GPC4: variants seen among roughly 807,000 people sequenced by gnomAD.
The protein encoded by GPC4 is glypican 4.
A neutral mutation model predicts 35.0 loss-of-function variants in GPC4; 10 were observed. The observed-to-expected ratio is 0.29, with a 90% CI of 0.18 to 0.48. The LOEUF is 0.48. Among genes scored for constraint, GPC4 ranks in the 20% least tolerant of loss-of-function variants. The pLI is 0.99. For synonymous variants in GPC4, 167 were observed against 170.2 expected, an observed-to-expected ratio of 0.98 and a Z score of 0.15; for missense variants, 322 against 451.3, an observed-to-expected ratio of 0.71 and a Z score of 2.60.
At chrX:133,412,444 G>A (rs958726293) in intron 1 of GPC4, among the ~76,000 whole-genome samples, 5 of 111,713 alleles carry the variant, frequency 4.5e-5, no homozygotes, top group Admixed American at 1.9e-4. Context: ...AAAGTGGTGC[G>A]AAATTGCACT....
intron 1 of GPC4, among the ~76,000 whole-genome samples, chrX:133,412,895 C>G (rs1234279111): frequency 8.9e-6 from 1 of 112,395 alleles, no homozygotes; most frequent in Non-Finnish European, 1.9e-5. Flanking sequence ...CAACCCCACT[C>G]GCTGAATGCC....
intron 2 of GPC4, among the ~76,000 whole-genome samples, chrX:133,335,083 T>C (rs1223139363): frequency 1.8e-5 from 2 of 111,497 alleles, no homozygotes; most frequent in East Asian, 5.6e-4. Context: ...CCCACTTCTA[T>C]TTCTATTCCC....
intron 1 of GPC4, among the ~76,000 whole-genome samples, chrX:133,362,891 T>G (rs1257850376): frequency 8.9e-6 from 1 of 112,022 alleles, no homozygotes; most frequent in Non-Finnish European, 1.9e-5. Flanking sequence ...ATTGCACAGC[T>G]GTCTCCCACT....
chrX:133,358,916 A>G (rs947400544), intron 1 of GPC4, among the ~76,000 whole-genome samples: 1 of 111,459 alleles, frequency 9.0e-6, no homozygotes, highest in African/African-American at 3.3e-5. Flanking sequence ...GAAAAAAAAA[A>G]TCATCAGCAT....
At chrX:133,312,135 G>A (rs1281718128) in intron 3 of GPC4, among the ~76,000 whole-genome samples, 1 of 111,325 alleles carries the variant, frequency 9.0e-6, no homozygotes, top group Non-Finnish European at 1.9e-5. Flanking sequence ...TTAAATTTTC[G>A]AGAAAGGGGC....
intron 1 of GPC4, among the ~76,000 whole-genome samples, chrX:133,397,262 A>C (rs2068747418): frequency 8.9e-6 from 1 of 111,883 alleles, no homozygotes; most frequent in Non-Finnish European, 1.9e-5. Context: ...CCATCTCTAC[A>C]AAAAATACAG....
rs181150228 is a variant in GPC4 at position 133,404,698 on chromosome X, T to C, written c.160+10108A>G. 2.8e-5 allele frequency among the ~76,000 whole-genome samples: 3 copies of C among 108,904 alleles called. No homozygotes were observed. In the Admixed American group the frequency reaches 2.9e-4, roughly 11 times the overall value. 94.6% of individuals were successfully genotyped at this position (108,904 alleles called of 115,157 possible). A position where few individuals can be genotyped will look rare whatever the true frequency, so the allele number is the denominator to read the frequency against. On this transcript the variant is annotated intron_variant, in intron 1 of 8. Transcript: ENST00000370828. ...GGTGAAAGCCCATCTCTACTAAAAA[T>C]ATACAAATTAGCTGGACGTGGTGGT...
intron 1 of GPC4, among the ~76,000 whole-genome samples, chrX:133,386,926 G>A (rs1484389679): frequency 1.8e-5 from 2 of 111,605 alleles, no homozygotes; most frequent in Admixed American, 1.9e-4. Flanking sequence ...ATACTTGAAG[G>A]AGGAGGCAGC....
intron 2 of GPC4, among the ~76,000 whole-genome samples, chrX:133,335,776 A>G (rs1318110124): frequency 1.8e-5 from 2 of 112,235 alleles, no homozygotes; most frequent in Non-Finnish European, 3.8e-5. Context: ...TTTTTTCAAT[A>G]ATTACTTTAA....
At chrX:133,326,311 A>G (rs1220564497) in intron 2 of GPC4, among the ~76,000 whole-genome samples, 1 of 111,766 alleles carries the variant, frequency 8.9e-6, no homozygotes, top group African/African-American at 3.3e-5. Flanking sequence ...TATTTTCTCC[A>G]AAATCCCCTG....
At chrX:133,325,031 T>G (rs975816577) in intron 2 of GPC4, among the ~76,000 whole-genome samples, 9 of 111,530 alleles carry the variant, frequency 8.1e-5, no homozygotes, top group Middle Eastern at 4.6e-3. Context: ...TTTTTTTTCA[T>G]TTCTCCTTTT....
chrX:133,397,347 C>G (rs966340195), intron 1 of GPC4, among the ~76,000 whole-genome samples: 3 of 111,669 alleles, frequency 2.7e-5, no homozygotes, highest in Non-Finnish European at 5.6e-5. Context: ...ATCACTTGCG[C>G]TGGGAGTTCG....
At chrX:133,367,005 AAGTGGCC>A (rs1274590212) in intron 1 of GPC4, among the ~76,000 whole-genome samples, 1 of 111,997 alleles carries the variant, frequency 8.9e-6, no homozygotes, top group Non-Finnish European at 1.9e-5. Flanking sequence ...GGTGTACACC[AAGTGGCC>A]AGTAAGAAAC....
At chrX:133,325,275 A>AGT (rs1321357163) in intron 2 of GPC4, among the ~76,000 whole-genome samples, 7 of 108,789 alleles carry the variant, frequency 6.4e-5, no homozygotes, top group Non-Finnish European at 1.2e-4. Context: ...TGTGTGTGTG[A>AGT]GTGTGTGTGT....
chrX:133,338,744 G>A (rs2068454589), intron 2 of GPC4, among the ~76,000 whole-genome samples: 1 of 111,438 alleles, frequency 9.0e-6, no homozygotes, highest in East Asian at 2.8e-4. Flanking sequence ...CCTGTGTTCT[G>A]CAAAACTTTT....
intron 1 of GPC4, among the ~76,000 whole-genome samples, chrX:133,353,728 A>T (rs1394375049): frequency 9.0e-6 from 1 of 111,129 alleles, no homozygotes; most frequent in Non-Finnish European, 1.9e-5. Flanking sequence ...AGAAAAAGAA[A>T]TGGAAGGAAA....
chrX:133,398,899 C>A (rs773970694), intron 1 of GPC4, among the ~76,000 whole-genome samples: 1 of 111,729 alleles, frequency 9.0e-6, no homozygotes, highest in Admixed American at 9.5e-5. Context: ...AGGCTCCTTC[C>A]CATCCTGTTT....
chrX:133,302,298 TTAA>T lies in GPC4; in HGVS notation c.*566_*568del, dbSNP rs2068270189. ...CCTGCTTGTGCCCTCACATTCTGTC[TTAA>T]TAATAATTTAAAAAAAAGAAAATCA... On this transcript the variant is annotated 3_prime_UTR_variant, in exon 9 of 9. Coordinates refer to ENST00000370828, the MANE Select transcript of GPC4 (RefSeq NM_001448.3). 2 of 112,199 alleles carry T rather than the reference TTAA, an allele frequency of 1.8e-5. No homozygotes were observed. The highest frequency in any genetic ancestry group is 7.5e-4 in the South Asian group (2 of 2,663). The allele number at this position is 112,199 out of a possible 1,213,427, so 9.2% of individuals were successfully genotyped here.
intron 2 of GPC4, among the ~76,000 whole-genome samples, chrX:133,326,817 AC>A (rs1388762857): frequency 8.9e-6 from 1 of 112,652 alleles, no homozygotes; most frequent in Non-Finnish European, 1.9e-5. Flanking sequence ...CTAAGTGTTA[AC>A]ATAGATGATT....
Sources: allele counts gnomAD v4.1 joint callset (sites outside exome capture counted in the v4.1 genomes callset), GRCh38; gene constraint gnomAD v4.1.1; transcripts MANE v1.5; gene names NCBI Gene and HGNC (gene_info 2026-07-23, HGNC 2026-07-21).